The following RRM2 variants were observed in gnomAD, a reference collection of about 807,000 sequenced individuals.
RRM2 encodes ribonucleotide reductase regulatory subunit M2.
A neutral mutation model predicts 45.9 loss-of-function variants in RRM2; 6 were observed. The ratio of observed to expected loss-of-function variants is 0.13; its 90% CI spans 0.07 to 0.26. The LOEUF (loss-of-function observed/expected upper bound fraction) is 0.26. RRM2 is among the 10% of genes least tolerant of loss of function. The probability of loss-of-function intolerance (pLI) is 1.00; values close to 1 mark genes in which losing one functional copy is unlikely to be tolerated. For synonymous variants in RRM2, 177 were observed against 173.0 expected (o/e 1.02, Z -0.18); for missense variants, 343 against 489.5 (o/e 0.70, Z 2.82).
At chr2:10,210,433 C>T in exon 4 of RRM2, 2 of 1,367,886 alleles carry the variant, frequency 1.5e-6, no homozygotes, top group Non-Finnish European at 2.0e-6. Context: ...GACAGGGACA[C>T]CCCTGGAGCG....
exon 4 of RRM2, chr2:10,210,719 T>C: frequency 1.3e-6 from 1 of 785,722 alleles, no homozygotes; most frequent in Non-Finnish European, 1.8e-6. Flanking sequence ...GCCCACAGGG[T>C]GGAGCACTGT....
chr2:10,188,560 C>A (rs1416420996), intron 3 of RRM2, among the ~76,000 whole-genome samples: 1 of 152,118 alleles, frequency 6.6e-6, no homozygotes, highest in Admixed American at 6.5e-5. Flanking sequence ...TCTCCAAATA[C>A]GTCCTGTTGA....
intron 3 of RRM2, among the ~76,000 whole-genome samples, chr2:10,208,348 T>G (rs765375477): frequency 1.3e-4 from 20 of 152,228 alleles, no homozygotes; most frequent in Admixed American, 1.0e-3. Flanking sequence ...TTTCCCATTT[T>G]GAAAATGTAC....
downstream of RRM2, among the ~76,000 whole-genome samples, chr2:10,136,397 G>A (rs1177483576): frequency 6.6e-6 from 1 of 152,184 alleles, no homozygotes; most frequent in Non-Finnish European, 1.5e-5. Flanking sequence ...CCAAGCTTTG[G>A]CAAGATGGAA....
intron 5 of RRM2, 95 bp downstream of exon 5, chr2:10,124,945 G>C: frequency 1.7e-6 from 2 of 1,197,850 alleles, no homozygotes; most frequent in Non-Finnish European, 2.4e-6. Context: ...AATGACTCCA[G>C]AATGACTAAG....
downstream of RRM2, among the ~76,000 whole-genome samples, chr2:10,132,254 T>C (rs1662915816): frequency 6.6e-6 from 1 of 152,146 alleles, no homozygotes; most frequent in Non-Finnish European, 1.5e-5. Flanking sequence ...TTCAGGAAGA[T>C]GGGGCGCTAA....
At chr2:10,189,855 G>A (rs1664247630) in intron 3 of RRM2, among the ~76,000 whole-genome samples, 1 of 152,264 alleles carries the variant, frequency 6.6e-6, no homozygotes, top group South Asian at 2.1e-4. Context: ...TCCTGGCCCA[G>A]AGCCTGGCAC....
At chr2:10,123,671 C>T in intron 3 of RRM2, 65 bp from the exon 4 acceptor site, 1 of 1,380,452 alleles carries the variant, frequency 7.2e-7, no homozygotes, top group East Asian at 2.3e-5. Context: ...TTTGAGTGCT[C>T]AGTGTGAGTC....
At chr2:10,152,632 G>A (rs953404367) in intron 3 of RRM2, among the ~76,000 whole-genome samples, 3 of 151,852 alleles carry the variant, frequency 2.0e-5, no homozygotes, top group African/African-American at 4.8e-5. Context: ...ACAGGCGCCC[G>A]CAAGCATGTG....
At position 10,123,476 on chromosome 2, in the gene RRM2, T is replaced by G. The variant is rs372500427; in HGVS notation, c.264T>G (p.His88Gln). 4 of 1,613,982 alleles carry G rather than the reference T, an allele frequency of 2.5e-6. No individual in the cohort carries two copies. The highest frequency in any genetic ancestry group is 3.4e-6 in the Non-Finnish European group (4 of 1,180,000). ...TTGTCATCTTCCCCATCGAGTACCA[T>G]GATATCTGGCAGATGTATAAGAAGG... ...RRFVIFPIEYHDIWQMYKKAE... is the reference protein window; with the variant it reads ...RRFVIFPIEYQDIWQMYKKAE... The change falls in exon 3 of 10, where the codon CAT becomes CAG. Residue 88 changes from histidine to glutamine, a missense_variant. Coordinates refer to ENST00000304567, the MANE Select transcript of RRM2 (RefSeq NM_001034.4).
chr2:10,181,810 G>A (rs553474187), intron 3 of RRM2, among the ~76,000 whole-genome samples: 4 of 131,446 alleles, frequency 3.0e-5, no homozygotes, highest in African/African-American at 1.2e-4. Context: ...TGTCACTCAG[G>A]CTGGAGTGCA....
At chr2:10,152,109 C>T (rs1663322643) in intron 3 of RRM2, among the ~76,000 whole-genome samples, 1 of 151,484 alleles carries the variant, frequency 6.6e-6, no homozygotes, top group Non-Finnish European at 1.5e-5. Context: ...CCACCACGCC[C>T]AGCTAATTTT....
At chr2:10,196,593 A>T (rs1664420333) in intron 3 of RRM2, among the ~76,000 whole-genome samples, 1 of 152,178 alleles carries the variant, frequency 6.6e-6, no homozygotes, top group Non-Finnish European at 1.5e-5. Context: ...CCCACCCAGC[A>T]AAACCCTCTG....
chr2:10,146,590 T>G (rs139146617), intron 3 of RRM2, among the ~76,000 whole-genome samples: 1,603 of 152,332 alleles, frequency 0.011, 17 homozygotes, highest in Non-Finnish European at 0.018. Context: ...CTGTGTCCCC[T>G]CTGTCCCTCC....
At position 10,171,359 on chromosome 2, in the gene RRM2, C is replaced by A. The variant is rs1457018009; in HGVS notation, n.482+28984C>A. Among the ~76,000 whole-genome samples, 1 of 152,212 alleles carries A rather than the reference C, an allele frequency of 6.6e-6. No individual in the cohort carries two copies. The highest frequency in any genetic ancestry group is 2.4e-5 in the African/African-American group (1 of 41,466). On this transcript the variant is annotated intron_variant and non_coding_transcript_variant, in intron 3 of 3. Coordinates refer to the RRM2 transcript ENST00000381786. The surrounding 1 kb of genome is among the most constrained non-coding windows in gnomAD (Gnocchi z 4.1). Reference sequence around the variant, plus strand: ...AAAGGGAAAGAGAAATCCAGTGGCACCAGTGGGCTGAGAAACTGTCGGGTT... The same window carrying A: ...AAAGGGAAAGAGAAATCCAGTGGCAACAGTGGGCTGAGAAACTGTCGGGTT...
chr2:10,133,514 C>T (rs931077768), downstream of RRM2, among the ~76,000 whole-genome samples: 13 of 152,160 alleles, frequency 8.5e-5, no homozygotes, highest in Non-Finnish European at 1.9e-4. Context: ...AATGGTTTAA[C>T]TCCTCTTAGC....
chr2:10,152,675 G>A (rs137926473), intron 3 of RRM2, among the ~76,000 whole-genome samples: 2,997 of 151,506 alleles, frequency 0.02, 94 homozygotes, highest in African/African-American at 0.069. Flanking sequence ...TAGATATGCA[G>A]TTTCACCATG....
intron 5 of RRM2, among the ~76,000 whole-genome samples, chr2:10,126,210 GC>G (rs1484689721): frequency 7.8e-6 from 1 of 128,896 alleles, no homozygotes; most frequent in Non-Finnish European, 1.6e-5. Context: ...AATGTCTGGT[GC>G]CCTTGGCTTC....
Position 10,127,353 on chromosome 2 carries a change from A to G in RRM2, c.798+133A>G. The G allele has an allele frequency of 1.2e-6, 1 of 827,218 alleles. No homozygotes were observed. The allele number at this position is 827,218 out of a possible 1,614,324, so 51.2% of individuals were successfully genotyped here. ...TTAATGTGTGAGTTCAACCATACAC[A>G]TACTTGACAAAAGAAGGAAATACTT... On this transcript the variant is annotated intron_variant, in intron 7 of 9. Coordinates refer to ENST00000304567, the MANE Select transcript of RRM2 (RefSeq NM_001034.4). The surrounding 1 kb of genome is among the most constrained non-coding windows in gnomAD (Gnocchi z 4.1).
Sources: allele counts gnomAD v4.1 joint callset (sites outside exome capture counted in the v4.1 genomes callset), GRCh38; gene constraint gnomAD v4.1.1; non-coding constraint Gnocchi (gnomAD v3.1); transcripts MANE v1.5; gene names NCBI Gene and HGNC (gene_info 2026-07-23, HGNC 2026-07-21).